The following DTL variants were observed in gnomAD, a reference collection of about 807,000 sequenced individuals.
DTL encodes the protein denticleless protein homolog.
Under a neutral mutation model 87.0 loss-of-function variants are expected in DTL, and 46 were observed. The observed-to-expected ratio is 0.53, with a 90% CI of 0.42 to 0.68. The LOEUF (loss-of-function observed/expected upper bound fraction) is 0.68, where lower values mean the gene tolerates loss of function less well. DTL is among the 30% of genes least tolerant of loss of function. The pLI is 0.00. For synonymous variants in DTL, 308 were observed against 311.2 expected, an observed-to-expected ratio of 0.99 and a Z score of 0.11; for missense variants, 737 against 869.4, an observed-to-expected ratio of 0.85 and a Z score of 1.91.
chr1:212,064,590 TC>T (rs1264014025), intron 6 of DTL, among the ~76,000 whole-genome samples: 2 of 152,176 alleles, frequency 1.3e-5, no homozygotes, highest in Admixed American at 1.3e-4. Context: ...TCACATTTCC[TC>T]CATGTCATTT....
intron 13 of DTL, among the ~76,000 whole-genome samples, chr1:212,090,772 C>T (rs1351009744): frequency 6.6e-6 from 1 of 152,194 alleles, no homozygotes; most frequent in African/African-American, 2.4e-5. Context: ...AGTGGGAAGC[C>T]ATGTGAGGCC....
chr1:212,037,808 G>A (rs1363001823), intron 1 of DTL, among the ~76,000 whole-genome samples: 1 of 152,146 alleles, frequency 6.6e-6, no homozygotes, highest in Non-Finnish European at 1.5e-5. Context: ...AAAATTGGAA[G>A]GAGCACCTCC....
intron 2 of DTL, among the ~76,000 whole-genome samples, chr1:212,043,894 A>AAAG (rs1253270710): frequency 6.6e-6 from 1 of 152,120 alleles, no homozygotes; most frequent in Non-Finnish European, 1.5e-5. Flanking sequence ...GAGGAAAGAA[A>AAAG]AAGTTGTGAC....
At chr1:212,045,377 T>C (rs1667777057) in intron 3 of DTL, among the ~76,000 whole-genome samples, 1 of 152,250 alleles carries the variant, frequency 6.6e-6, no homozygotes, top group South Asian at 2.1e-4. Context: ...AAAATACTTT[T>C]TAGGATTAAA....
intron 5 of DTL, among the ~76,000 whole-genome samples, chr1:212,048,420 T>C (rs1667868140): frequency 6.6e-6 from 1 of 152,172 alleles, no homozygotes; most frequent in Non-Finnish European, 1.5e-5. Flanking sequence ...CTTGAACTCC[T>C]GACCTCGTGA....
intron 13 of DTL, among the ~76,000 whole-genome samples, chr1:212,097,243 A>G (rs1655477509): frequency 6.6e-6 from 1 of 152,154 alleles, no homozygotes; most frequent in Non-Finnish European, 1.5e-5. Flanking sequence ...TTTCCTTTAC[A>G]GGTTACCTGA....
Position 212,035,961 on chromosome 1 carries a change from C to G in DTL, c.52+19C>G, listed in dbSNP as rs762531187. Reference sequence around the variant, plus strand: ...AGAAATGGTGAGTAACGGTCCCAACCGCTGCTCGGAGCTGGCGGAATTCAT... The same window carrying G: ...AGAAATGGTGAGTAACGGTCCCAACGGCTGCTCGGAGCTGGCGGAATTCAT... On this transcript the variant is annotated intron_variant, in intron 1 of 14. Coordinates refer to ENST00000366991, the MANE Select transcript of DTL (RefSeq NM_016448.4). 6.2e-6 allele frequency: 10 copies of G among 1,613,350 alleles called. No individual in the cohort carries two copies. The highest frequency in any genetic ancestry group is 6.8e-6 in the Non-Finnish European group (8 of 1,179,440).
At chr1:212,090,514 A>G (rs912584011) in intron 13 of DTL, among the ~76,000 whole-genome samples, 1 of 152,244 alleles carries the variant, frequency 6.6e-6, no homozygotes, top group African/African-American at 2.4e-5. Context: ...GAAGACAGGA[A>G]TGCTATTTCA....
rs532531256 is a variant in DTL at position 212,085,466 on chromosome 1, G to C, written c.1261+4716G>C. On this transcript the variant is annotated intron_variant, in intron 13 of 14. Coordinates refer to ENST00000366991, the MANE Select transcript of DTL (RefSeq NM_016448.4). The stretch of plus-strand genomic sequence containing the variant: ...TTTTCCTTGGTGAAATGTCTATGCA[G>C]ATCTTCTGCCCATATTCTAATTGGG... 1.4e-3 allele frequency among the ~76,000 whole-genome samples: 215 copies of C among 152,272 alleles called. 3 individuals carry two copies. The highest frequency in any genetic ancestry group is 6.8e-3 in the Middle Eastern group (2 of 294).
At chr1:212,058,026 C>A in intron 5 of DTL, among the ~76,000 whole-genome samples, 1 of 152,084 alleles carries the variant, frequency 6.6e-6, no homozygotes, top group East Asian at 1.9e-4. Flanking sequence ...AAGGATATAT[C>A]AATTGTAAAC....
At chr1:212,056,800 A>G (rs1441771641) in intron 5 of DTL, among the ~76,000 whole-genome samples, 1 of 152,162 alleles carries the variant, frequency 6.6e-6, no homozygotes, top group Non-Finnish European at 1.5e-5. Context: ...TAGGTATCAT[A>G]AAATAGAGCT....
rs1654582422 is a variant in DTL, at chr1:212,068,662, A to G, written c.881A>G (p.Asn294Ser). The G allele has an allele frequency of 1.9e-6, 3 of 1,612,940 alleles. No homozygotes were observed. The highest frequency in any genetic ancestry group is 1.7e-5 in the Admixed American group (1 of 59,976). The stretch of plus-strand genomic sequence containing the variant: ...TTATTTGCTAATTGCACAGACGATA[A>G]CATCTACATGTTTAATATGACTGGG... ...STLFANCTDDNIYMFNMTGLK... is the reference protein window; with the variant it reads ...STLFANCTDDSIYMFNMTGLK... Residue 294 changes from asparagine to serine, a missense_variant, in exon 10 of 15, where the codon AAC (asparagine) becomes AGC (serine). Physicochemically the swap from Asn to Ser is conservative, Grantham distance 46. Transcript: ENST00000366991.
chr1:212,068,354 G>T (rs766880773), intron 9 of DTL, 27 bp downstream of exon 9: 2 of 1,424,386 alleles, frequency 1.4e-6, no homozygotes, highest in Non-Finnish European at 9.6e-7. Context: ...TCTTTTGGGG[G>T]AGATAAGAGT....
chr1:212,080,469 C>T, intron 12 of DTL, 146 bp from the exon 13 acceptor site: 3 of 709,656 alleles, frequency 4.2e-6, no homozygotes, highest in Non-Finnish European at 6.7e-6. Flanking sequence ...AATGGATGTA[C>T]ATGATCTTTA....
chr1:212,057,222 A>C (rs1321642131), intron 5 of DTL, among the ~76,000 whole-genome samples: 1 of 152,118 alleles, frequency 6.6e-6, no homozygotes, highest in African/African-American at 2.4e-5. Flanking sequence ...AAAGTCAAAG[A>C]CAAAGTGAAA....
At chr1:212,062,624 A>C (rs569916564) in intron 5 of DTL, among the ~76,000 whole-genome samples, 6 of 152,270 alleles carry the variant, frequency 3.9e-5, no homozygotes, top group African/African-American at 1.4e-4. Context: ...TCTTATTACA[A>C]CTGTACTATA....
chr1:212,097,369 C>T (rs1363547367), intron 13 of DTL, among the ~76,000 whole-genome samples: 1 of 152,066 alleles, frequency 6.6e-6, no homozygotes, highest in Non-Finnish European at 1.5e-5. Flanking sequence ...GTTCTTTGAG[C>T]TTCTTGTATT....
At chr1:212,064,618 T>C (rs1193167693) in intron 6 of DTL, among the ~76,000 whole-genome samples, 1 of 152,232 alleles carries the variant, frequency 6.6e-6, no homozygotes, top group Non-Finnish European at 1.5e-5. Flanking sequence ...TTTATCAAGC[T>C]CATTTCTTTC....
At chr1:212,085,682 T>G (rs567201211) in intron 13 of DTL, among the ~76,000 whole-genome samples, 1 of 152,238 alleles carries the variant, frequency 6.6e-6, no homozygotes, top group Non-Finnish European at 1.5e-5. Context: ...TTGTCACTTA[T>G]GCTTTTGATG....
Sources: allele counts gnomAD v4.1 joint callset (sites outside exome capture counted in the v4.1 genomes callset), GRCh38; gene constraint gnomAD v4.1.1; transcripts MANE v1.5; gene names NCBI Gene and HGNC (gene_info 2026-07-23, HGNC 2026-07-21).